The following TUBGCP3 variants were observed in gnomAD, a reference collection of about 807,000 sequenced individuals.
The protein encoded by TUBGCP3 is gamma-tubulin complex component 3.
TUBGCP3 carries 50 observed loss-of-function variants against 123.1 expected under a neutral mutation model. That is an observed-to-expected ratio of 0.41 (90% CI 0.32 to 0.51). The LOEUF is 0.51. Ranked by LOEUF, TUBGCP3 falls within the 20% of genes least tolerant of loss-of-function variation. The probability of loss-of-function intolerance (pLI) is 0.36; values close to 1 mark genes in which losing one functional copy is unlikely to be tolerated. For synonymous variants in TUBGCP3, 405 were observed against 413.9 expected (o/e 0.98, Z 0.26); for missense variants, 882 against 1,127.0 (o/e 0.78, Z 3.11).
rs1392412129 is a variant in TUBGCP3 at position 112,508,413 on chromosome 13, C to T, written c.2087-3699G>A. Among the ~76,000 whole-genome samples the T allele has an allele frequency of 6.6e-6, 1 of 152,152 alleles. No homozygotes were observed. The highest frequency in any genetic ancestry group is 1.9e-4 in the East Asian group (1 of 5,174). ...TAGTATATCTTTAAATTTTCAGATG[C>T]CATATGGCAGCCCAGAAGGGGCCTG... On this transcript the variant is annotated intron_variant, in intron 17 of 21. Coordinates refer to ENST00000261965, the MANE Select transcript of TUBGCP3 (RefSeq NM_006322.6). The surrounding 1 kb of genome is among the most constrained non-coding windows in gnomAD (Gnocchi z 4.2).
chr13:112,589,129 A>G (rs1347340434), upstream of TUBGCP3, among the ~76,000 whole-genome samples: 1 of 152,172 alleles, frequency 6.6e-6, no homozygotes, highest in African/African-American at 2.4e-5. Flanking sequence ...ATCACCCCTC[A>G]CTGCCTTCGA....
the TUBGCP3 span, among the ~76,000 whole-genome samples, chr13:112,602,237 G>C: frequency 6.6e-6 from 1 of 152,166 alleles, no homozygotes; most frequent in South Asian, 2.1e-4. Flanking sequence ...TAGCCCTTCA[G>C]TCCTAAGGAA....
At chr13:112,539,517 A>C (rs1285347315) in intron 11 of TUBGCP3, among the ~76,000 whole-genome samples, 1 of 152,286 alleles carries the variant, frequency 6.6e-6, no homozygotes, top group East Asian at 1.9e-4. Context: ...CATTTCTGAA[A>C]AAACCTACAA....
In TUBGCP3 at chr13:112,569,394, G is replaced by GAAAAGCTA. The variant is rs376717596; in HGVS notation, c.77-143_77-136dup. 199 of 664,648 alleles carry GAAAAGCTA rather than the reference G, an allele frequency of 3.0e-4. 2 individuals are homozygous for GAAAAGCTA. In the East Asian group the frequency reaches 5.4e-3, roughly 18 times the overall value. 41.2% of individuals were successfully genotyped at this position (664,648 alleles called of 1,614,324 possible). ...CCCCAAGGTCTTAACTGAGAGGACA[G>GAAAAGCTA]AAAAGCTATTAAGATATCAAAACAG... On this transcript the variant is annotated intron_variant, in intron 1 of 21. Coordinates refer to ENST00000261965, the MANE Select transcript of TUBGCP3 (RefSeq NM_006322.6).
chr13:112,522,468 T>C lies in TUBGCP3; in HGVS notation c.1597A>G (p.Lys533Glu), dbSNP rs761721242. ...GTCTCAAAATAAGCAGCATCAATCT[T>C]CCCCTGAAATGCATTTTCCAAGTCT... ...FTDLENAFQG[K>E]IDAAYFETSK... The change falls in exon 14 of 22, where the codon AAG (lysine) becomes GAG (glutamate). Residue 533 changes from lysine (K) to glutamate (E), a missense_variant. Around this residue, in one of 3 missense-constraint regions of TUBGCP3, gnomAD observed 713 missense variants for 874.0 expected, o/e 0.82. Transcript: ENST00000261965. The C allele has an allele frequency of 7.4e-6, 12 of 1,613,786 alleles. No individual in the cohort carries two copies. The highest frequency in any genetic ancestry group is 2.2e-5 in the East Asian group (1 of 44,886).
rs918211589 is a variant in TUBGCP3, at chr13:112,537,990, C to T, written c.1335+7709G>A. ...CTTGAATCATCATGGTTTTGCTTTC[C>T]GCCTTTTGAATGTATTCTCCCCCAC... On this transcript the variant is annotated intron_variant, in intron 11 of 21. Coordinates refer to ENST00000261965, the MANE Select transcript of TUBGCP3 (RefSeq NM_006322.6). 6.6e-5 allele frequency among the ~76,000 whole-genome samples: 10 copies of T among 152,248 alleles called. No homozygotes were observed. The East Asian group carries it at 9.7e-4, about 15-fold the overall frequency.
chr13:112,592,641 A>C (rs1017473085), upstream of TUBGCP3, among the ~76,000 whole-genome samples: 3 of 152,370 alleles, frequency 2.0e-5, no homozygotes, highest in African/African-American at 7.2e-5. This position sits in a 1 kb window ranked among gnomAD's most constrained non-coding sequence, Gnocchi z 4.1. Context: ...GCAAAGTCAG[A>C]GTGGGAAAAA....
At chr13:112,559,062 T>G (rs1332384933) in intron 4 of TUBGCP3, among the ~76,000 whole-genome samples, 1 of 152,240 alleles carries the variant, frequency 6.6e-6, no homozygotes, top group Non-Finnish European at 1.5e-5. Flanking sequence ...AAAGTAAACA[T>G]TTTGAAAACT....
chr13:112,559,500 T>C (rs1880321573), intron 3 of TUBGCP3, 101 bp from the exon 4 acceptor site: 2 of 944,160 alleles, frequency 2.1e-6, no homozygotes, highest in Non-Finnish European at 3.0e-6. Context: ...AAATGCATTT[T>C]AAAATTCACA....
chr13:112,595,341 C>T, the TUBGCP3 span, among the ~76,000 whole-genome samples: 2 of 152,234 alleles, frequency 1.3e-5, no homozygotes, highest in East Asian at 1.9e-4. Flanking sequence ...GGACTACAGG[C>T]ACCCGCCACC....
chr13:112,499,814 A>G (rs1161562134), intron 19 of TUBGCP3, among the ~76,000 whole-genome samples: 4 of 152,240 alleles, frequency 2.6e-5, no homozygotes, highest in Non-Finnish European at 5.9e-5. Flanking sequence ...ACTGCCCAGT[A>G]ATCTTCAGTA....
At chr13:112,558,157 T>C (rs1880200364) in intron 5 of TUBGCP3, 39 bp downstream of exon 5, 1 of 1,568,776 alleles carries the variant, frequency 6.4e-7, no homozygotes, top group African/African-American at 1.3e-5. Context: ...TCTCTGTTTC[T>C]AACACATAGA....
intron 21 of TUBGCP3, 29 bp from the exon 22 acceptor site, chr13:112,486,180 T>C (rs778508705): frequency 1.2e-6 from 2 of 1,609,254 alleles, no homozygotes; most frequent in South Asian, 1.1e-5. Context: ...AGTAAAATAT[T>C]GTTTCAGAAA....
intron 6 of TUBGCP3, 111 bp downstream of exon 6, chr13:112,555,941 A>T: frequency 8.0e-7 from 1 of 1,251,818 alleles, no homozygotes; most frequent in Non-Finnish European, 1.1e-6. Context: ...AAGAACAAGA[A>T]GAAACCACTA....
chr13:112,591,069 CA>C (rs1397406661), upstream of TUBGCP3, among the ~76,000 whole-genome samples: 1 of 152,174 alleles, frequency 6.6e-6, no homozygotes, highest in Non-Finnish European at 1.5e-5. Flanking sequence ...CTCCAAGAAG[CA>C]AAAACTCAAG....
chr13:112,489,745 A>C (rs1295996197), intron 20 of TUBGCP3, 48 bp from the exon 21 acceptor site: 28 of 1,499,740 alleles, frequency 1.9e-5, no homozygotes, highest in Non-Finnish European at 2.5e-5. Flanking sequence ...GATGGAAAAC[A>C]GATTACAGAG....
At chr13:112,554,826 TG>T in intron 7 of TUBGCP3, 60 bp downstream of exon 7, 1 of 1,239,756 alleles carries the variant, frequency 8.1e-7, no homozygotes, top group Non-Finnish European at 1.1e-6. Context: ...AGCCACTATC[TG>T]GACTTCATGA....
Position 112,519,782 on chromosome 13 carries a change from G to A in TUBGCP3, c.1881+104C>T, listed in dbSNP as rs141948957. ...GCTGCCCAGTTTCCAGAAAGATAAC[G>A]GCTAGCTGTGCCTGAAACAACATGG... On this transcript the variant is annotated intron_variant, in intron 15 of 21. Transcript: ENST00000261965. This position sits in a 1 kb window ranked among gnomAD's most constrained non-coding sequence, Gnocchi z 6.2. The A allele has an allele frequency of 4.0e-3, 5,628 of 1,423,652 alleles. 20 individuals carry two copies. Among genetic ancestry groups the A allele is most frequent in the Non-Finnish European group, 4.9e-3 (5,331 of 1,079,844 alleles). The allele number at this position is 1,423,652 out of a possible 1,614,324, so 88.2% of individuals were successfully genotyped here.
intron 8 of TUBGCP3, among the ~76,000 whole-genome samples, chr13:112,553,768 C>T (rs1247101488): frequency 6.6e-6 from 1 of 152,234 alleles, no homozygotes; most frequent in Non-Finnish European, 1.5e-5. Context: ...GGGCCCCCTT[C>T]GAGCGTTTGG....
Sources: allele counts gnomAD v4.1 joint callset (sites outside exome capture counted in the v4.1 genomes callset), GRCh38; gene constraint gnomAD v4.1.1; regional missense constraint gnomAD v4.1.1; non-coding constraint Gnocchi (gnomAD v3.1); transcripts MANE v1.5; gene names NCBI Gene and HGNC (gene_info 2026-07-23, HGNC 2026-07-21).